TAOK1: variants seen among roughly 807,000 people sequenced by gnomAD.
TAOK1 encodes the protein serine/threonine-protein kinase TAO1.
Under a neutral mutation model 138.3 loss-of-function variants are expected in TAOK1, and 21 were observed. That is an observed-to-expected ratio of 0.15 (90% CI 0.11 to 0.22). The LOEUF is 0.22. Ranked by LOEUF, TAOK1 falls within the 10% of genes least tolerant of loss-of-function variation. The pLI is 1.00. For missense variants in TAOK1, 651 were observed against 1,227.7 expected (o/e 0.53, Z 7.02); for synonymous variants, 361 against 398.4 (o/e 0.91, Z 1.12).
At chr17:29,453,097 C>G (rs2030283186) in intron 2 of TAOK1, among the ~76,000 whole-genome samples, 1 of 151,416 alleles carries the variant, frequency 6.6e-6, no homozygotes, top group Admixed American at 6.6e-5. Context: ...ATGGATTTGC[C>G]TATTCTGGAT....
At chr17:29,448,939 C>T (rs1223025516) in intron 1 of TAOK1, among the ~76,000 whole-genome samples, 2 of 152,054 alleles carry the variant, frequency 1.3e-5, no homozygotes, top group East Asian at 3.9e-4. Flanking sequence ...GCTTTGGGGG[C>T]ATAAAGGGAG....
At chr17:29,405,544 C>T (rs1403538808) in intron 1 of TAOK1, among the ~76,000 whole-genome samples, 2 of 151,550 alleles carry the variant, frequency 1.3e-5, no homozygotes, top group Non-Finnish European at 2.9e-5. Context: ...TTTGGGAGGC[C>T]GAGGTGGGCG....
chr17:29,497,318 G>T (rs1204477919), intron 11 of TAOK1, among the ~76,000 whole-genome samples: 1 of 151,968 alleles, frequency 6.6e-6, no homozygotes, highest in Non-Finnish European at 1.5e-5. Flanking sequence ...TTGGTTTGGG[G>T]ATTATTTTTA....
chr17:29,422,861 C>G (rs566417714), intron 1 of TAOK1, among the ~76,000 whole-genome samples: 1 of 152,206 alleles, frequency 6.6e-6, no homozygotes, highest in African/African-American at 2.4e-5. Flanking sequence ...CCCGTCTCTA[C>G]TAAACATGCA....
At chr17:29,459,159 G>C (rs1369799002) in intron 2 of TAOK1, among the ~76,000 whole-genome samples, 1 of 152,124 alleles carries the variant, frequency 6.6e-6, no homozygotes, top group African/African-American at 2.4e-5. Flanking sequence ...TCTGGCTTCT[G>C]TCTCCTCAGC....
chr17:29,508,213 G>C, intron 14 of TAOK1, 81 bp downstream of exon 14: 1 of 1,242,394 alleles, frequency 8.0e-7, no homozygotes, highest in Non-Finnish European at 1.2e-6. Flanking sequence ...TTTGATGTTA[G>C]CGTATCTGTT....
At chr17:29,462,542 T>A (rs1436668051) in intron 2 of TAOK1, among the ~76,000 whole-genome samples, 1 of 152,244 alleles carries the variant, frequency 6.6e-6, no homozygotes, top group African/African-American at 2.4e-5. Context: ...TGTTCATTTC[T>A]TGAAACGGGA....
rs145215399 is a variant in TAOK1 at position 29,482,130 on chromosome 17, T to C, written c.564-67T>C. On this transcript the variant is annotated intron_variant, in intron 7 of 19. Coordinates refer to ENST00000261716, the MANE Select transcript of TAOK1 (RefSeq NM_020791.4). Reference sequence around the variant, plus strand: ...CCAGTGATCTCCATGTAGATGACTGTTACATTCTCAAAGGATAGAATACTT... The same window carrying C: ...CCAGTGATCTCCATGTAGATGACTGCTACATTCTCAAAGGATAGAATACTT... The C allele has an allele frequency of 5.3e-3, 6,365 of 1,190,284 alleles. 27 individuals carry two copies. Among genetic ancestry groups the C allele is most frequent in the Non-Finnish European group, 7.0e-3 (5,715 of 822,132 alleles). 73.7% of individuals were successfully genotyped at this position (1,190,284 alleles called of 1,614,324 possible). A position where few individuals can be genotyped will look rare whatever the true frequency, so the allele number is the denominator to read the frequency against.
chr17:29,454,026 G>A (rs371333471), intron 2 of TAOK1, among the ~76,000 whole-genome samples: 2 of 150,318 alleles, frequency 1.3e-5, no homozygotes, highest in African/African-American at 4.9e-5. Flanking sequence ...ATGTTGCCCA[G>A]GCTGGTGTTG....
intron 8 of TAOK1, among the ~76,000 whole-genome samples, chr17:29,482,878 T>G (rs758359952): frequency 6.6e-6 from 1 of 152,080 alleles, no homozygotes; most frequent in Admixed American, 6.5e-5. Context: ...CAGTTTGATT[T>G]TAAGCACACA....
At chr17:29,396,553 C>G (rs1046826876) in intron 1 of TAOK1, among the ~76,000 whole-genome samples, 42 of 152,012 alleles carry the variant, frequency 2.8e-4, no homozygotes, top group African/African-American at 9.7e-4. Context: ...ATTATTTGAT[C>G]AAATAGTTTT....
chr17:29,493,557 G>A (rs909125030), intron 10 of TAOK1, among the ~76,000 whole-genome samples: 4 of 151,440 alleles, frequency 2.6e-5, no homozygotes, highest in African/African-American at 9.7e-5. Flanking sequence ...AGCAAAAGAA[G>A]CCTTTCTAAC....
chr17:29,536,395 C>G (rs919629936), intron 19 of TAOK1, among the ~76,000 whole-genome samples: 1 of 151,884 alleles, frequency 6.6e-6, no homozygotes, highest in Non-Finnish European at 1.5e-5. Flanking sequence ...CAGGGGAGAT[C>G]GAAACCATCC....
chr17:29,408,844 C>T (rs1215231852), intron 1 of TAOK1, among the ~76,000 whole-genome samples: 4 of 151,886 alleles, frequency 2.6e-5, no homozygotes, highest in African/African-American at 4.8e-5. Flanking sequence ...TCCCAAGTAG[C>T]TGGGATTACA....
chr17:29,491,172 A>T (rs2031288434), intron 9 of TAOK1, among the ~76,000 whole-genome samples: 1 of 152,216 alleles, frequency 6.6e-6, no homozygotes, highest in Non-Finnish European at 1.5e-5. Context: ...ATTGGAGACA[A>T]ACATTGATGG....
intron 1 of TAOK1, among the ~76,000 whole-genome samples, chr17:29,410,493 TC>T (rs1371377757): frequency 6.6e-6 from 1 of 152,002 alleles, no homozygotes. Context: ...CCTCAGGTGA[TC>T]CGCCCGCCTC....
intron 1 of TAOK1, among the ~76,000 whole-genome samples, chr17:29,399,815 C>T (rs1211504388): frequency 6.6e-6 from 1 of 152,038 alleles, no homozygotes; most frequent in Non-Finnish European, 1.5e-5. Flanking sequence ...ACTACAGCCT[C>T]AATCTTCTGG....
At chr17:29,531,741 C>G (rs1285347877) in intron 18 of TAOK1, among the ~76,000 whole-genome samples, 1 of 147,372 alleles carries the variant, frequency 6.8e-6, no homozygotes, top group Non-Finnish European at 1.5e-5. Context: ...CCAGCCTGGG[C>G]AACAAAACGA....
chr17:29,517,960 A>G (rs1004804803), intron 16 of TAOK1, among the ~76,000 whole-genome samples: 3 of 151,966 alleles, frequency 2.0e-5, no homozygotes, highest in Non-Finnish European at 2.9e-5. Flanking sequence ...GGTGCAAGTG[A>G]TTTTCGTGCC....
Sources: gnomAD v4.1 joint callset for allele counts (sites outside exome capture counted in the v4.1 genomes callset) on GRCh38, gnomAD v4.1.1 for gene constraint, MANE v1.5 for transcripts, NCBI Gene and HGNC (gene_info 2026-07-23, HGNC 2026-07-21) for gene names.